The following RAD51B variants were observed in gnomAD, a reference collection of about 807,000 sequenced individuals.
RAD51B encodes DNA repair protein RAD51 homolog 2.
In RAD51B, 38 loss-of-function variants were observed where a neutral mutation model predicts 42.2. The observed-to-expected ratio is 0.90, with a 90% confidence interval of 0.70 to 1.18. The LOEUF (loss-of-function observed/expected upper bound fraction) is 1.18, where lower values mean the gene tolerates loss of function less well. Among genes scored for constraint, RAD51B ranks in the 50% most tolerant of loss-of-function variants. RAD51B has a pLI of 0.00. For missense variants in RAD51B, 373 were observed against 400.7 expected (o/e 0.93, Z 0.59); for synonymous variants, 154 against 145.2 (o/e 1.06, Z -0.43).
At position 68,165,950 on chromosome 14, in the gene RAD51B, A is replaced by G. The variant is rs149104360; in HGVS notation, c.757-125934A>G. 5.6e-3 allele frequency among the ~76,000 whole-genome samples: 853 copies of G among 152,236 alleles called. 2 individuals carry two copies. The highest frequency in any genetic ancestry group is 9.8e-3 in the Non-Finnish European group (665 of 68,010). ...CCCTACTCATACCTCCCCCTTTACA[A>G]TGATCTCGGCATTAATATCTTATGC... On this transcript the variant is annotated intron_variant, in intron 7 of 10. Transcript: ENST00000471583.
chr14:68,598,564 C>T (rs1402517467), downstream of RAD51B, among the ~76,000 whole-genome samples: 2 of 152,234 alleles, frequency 1.3e-5, no homozygotes, highest in African/African-American at 2.4e-5. Flanking sequence ...AAGCATTCCT[C>T]GGTCTGGGGT....
At chr14:68,155,991 T>A (rs1182322297) in intron 7 of RAD51B, among the ~76,000 whole-genome samples, 3 of 152,226 alleles carry the variant, frequency 2.0e-5, no homozygotes, top group Non-Finnish European at 4.4e-5. Context: ...AAGTAAGAAC[T>A]AGATAATATC....
chr14:67,990,254 G>A (rs1409106450), intron 7 of RAD51B, among the ~76,000 whole-genome samples: 1 of 152,022 alleles, frequency 6.6e-6, no homozygotes, highest in South Asian at 2.1e-4. Flanking sequence ...CCTCACCTCT[G>A]AAAGTGCTGG....
intron 10 of RAD51B, among the ~76,000 whole-genome samples, chr14:68,646,311 G>A (rs1228743693): frequency 1.3e-5 from 2 of 152,038 alleles, no homozygotes; most frequent in Non-Finnish European, 2.9e-5. Context: ...TTGATAGGTG[G>A]GAAATGATCA....
chr14:68,135,250 T>C (rs2077983826), intron 7 of RAD51B, among the ~76,000 whole-genome samples: 1 of 152,206 alleles, frequency 6.6e-6, no homozygotes, highest in Non-Finnish European at 1.5e-5. Flanking sequence ...TTCAGCAAGA[T>C]TTAATAACAC....
chr14:68,262,160 T>TACAC (rs2080903797), intron 7 of RAD51B, among the ~76,000 whole-genome samples: 3 of 152,126 alleles, frequency 2.0e-5, no homozygotes, highest in Admixed American at 2.0e-4. Context: ...CACACACGTG[T>TACAC]ATTTGTGATG....
intron 8 of RAD51B, among the ~76,000 whole-genome samples, chr14:68,318,896 G>C (rs911746988): frequency 3.9e-5 from 6 of 152,126 alleles, no homozygotes; most frequent in Non-Finnish European, 5.9e-5. Context: ...GTTGGCCTTG[G>C]CTAGGAAAGC....
At chr14:68,089,333 A>C (rs1199334674) in intron 7 of RAD51B, among the ~76,000 whole-genome samples, 1 of 152,112 alleles carries the variant, frequency 6.6e-6, no homozygotes. Flanking sequence ...TTCATGACTC[A>C]TTAGTCTCTA....
At chr14:68,098,644 T>C (rs538173866) in intron 7 of RAD51B, among the ~76,000 whole-genome samples, 9 of 152,226 alleles carry the variant, frequency 5.9e-5, no homozygotes, top group Non-Finnish European at 1.2e-4. Context: ...GAGAACAGTA[T>C]GGGGGAAACT....
At chr14:68,450,989 A>C (rs1374964492) in intron 9 of RAD51B, among the ~76,000 whole-genome samples, 1 of 152,160 alleles carries the variant, frequency 6.6e-6, no homozygotes, top group Non-Finnish European at 1.5e-5. Flanking sequence ...TTCTCAGCAC[A>C]GGGAATGCCT....
chr14:68,318,742 C>T (rs1181135068), intron 8 of RAD51B, among the ~76,000 whole-genome samples: 1 of 152,126 alleles, frequency 6.6e-6, no homozygotes, highest in East Asian at 1.9e-4. Flanking sequence ...CCCCTTAAGC[C>T]CCGAAGGTTA....
At chr14:68,005,395 C>T (rs549624095) in intron 7 of RAD51B, among the ~76,000 whole-genome samples, 11 of 152,222 alleles carry the variant, frequency 7.2e-5, no homozygotes, top group African/African-American at 2.4e-4. Context: ...TAGTTTTAGC[C>T]TAGTGTAAAT....
intron 9 of RAD51B, among the ~76,000 whole-genome samples, chr14:68,454,640 T>A (rs150478727): frequency 6.9e-4 from 105 of 152,330 alleles, no homozygotes; most frequent in African/African-American, 2.2e-3. Context: ...TTGCTATTAT[T>A]TGACCTGTCC....
intron 3 of RAD51B, 142 bp from the exon 4 acceptor site, chr14:67,834,938 A>G (rs2041180205): frequency 1.6e-6 from 1 of 636,938 alleles, no homozygotes; most frequent in East Asian, 2.8e-5. Context: ...GGCACAGAGT[A>G]AATATTTGTT....
intron 10 of RAD51B, among the ~76,000 whole-genome samples, chr14:68,580,446 C>T (rs1031065174): frequency 6.7e-6 from 1 of 150,100 alleles, no homozygotes; most frequent in African/African-American, 2.5e-5. Flanking sequence ...TGCTCGGCAC[C>T]TCTGCTTCCT....
chr14:68,520,592 T>A (rs938250693), intron 10 of RAD51B, among the ~76,000 whole-genome samples: 2 of 152,222 alleles, frequency 1.3e-5, no homozygotes, highest in African/African-American at 2.4e-5. Context: ...GAAAACAAGA[T>A]ATGAGCTCAT....
chr14:67,931,475 A>C (rs2044731027), intron 7 of RAD51B, among the ~76,000 whole-genome samples: 1 of 145,802 alleles, frequency 6.9e-6, no homozygotes, highest in African/African-American at 2.5e-5. Context: ...TAGTATCATA[A>C]TTTTGAATTC....
At chr14:68,397,458 C>T (rs982928599) in intron 8 of RAD51B, among the ~76,000 whole-genome samples, 5 of 152,348 alleles carry the variant, frequency 3.3e-5, no homozygotes, top group Admixed American at 2.6e-4. Context: ...CCCTCCACTC[C>T]CCGGGGATTG....
chr14:68,382,116 G>A (rs1455338670), intron 8 of RAD51B, among the ~76,000 whole-genome samples: 1 of 152,206 alleles, frequency 6.6e-6, no homozygotes, highest in Non-Finnish European at 1.5e-5. Context: ...TTTAGCTCTG[G>A]CCAGTTGGTT....
Sources: gnomAD v4.1 joint callset for allele counts (sites outside exome capture counted in the v4.1 genomes callset) on GRCh38, gnomAD v4.1.1 for gene constraint, MANE v1.5 for transcripts, NCBI Gene and HGNC (gene_info 2026-07-23, HGNC 2026-07-21) for gene names.